AFTPH: variants seen among roughly 807,000 people sequenced by gnomAD.
The protein encoded by AFTPH is aftiphilin, also known as aftiphilin protein.
In AFTPH, 7 loss-of-function variants were observed where a neutral mutation model predicts 72.5. That is an observed-to-expected ratio of 0.10 (90% CI 0.05 to 0.18). The LOEUF (loss-of-function observed/expected upper bound fraction) is 0.18. Among genes scored for constraint, AFTPH ranks in the 10% least tolerant of loss-of-function variants. The probability of loss-of-function intolerance (pLI) is 1.00; values close to 1 mark genes in which losing one functional copy is unlikely to be tolerated. For synonymous variants in AFTPH, 337 were observed against 370.1 expected, an observed-to-expected ratio of 0.91 and a Z score of 1.03; for missense variants, 979 against 1,060.5, an observed-to-expected ratio of 0.92 and a Z score of 1.07.
At chr2:64,557,331 AT>A (rs1472935829) in intron 2 of AFTPH, among the ~76,000 whole-genome samples, 1 of 152,206 alleles carries the variant, frequency 6.6e-6, no homozygotes, top group East Asian at 1.9e-4. Flanking sequence ...AAAGGAGGCT[AT>A]GAGTTATTTT....
chr2:64,552,990 A>T, exon 2 of AFTPH: 1 of 1,614,176 alleles, frequency 6.2e-7, no homozygotes. Context: ...GACTTCTGAT[A>T]ATTTATCAGA....
chr2:64,574,958 G>C (rs1672673465), intron 6 of AFTPH, among the ~76,000 whole-genome samples: 1 of 151,498 alleles, frequency 6.6e-6, no homozygotes, highest in Non-Finnish European at 1.5e-5. Flanking sequence ...AAAGTATTTT[G>C]AGTAACTACT....
chr2:64,552,302 A>G (rs1671098172), exon 2 of AFTPH: 3 of 1,613,998 alleles, frequency 1.9e-6, no homozygotes, highest in African/African-American at 1.3e-5. Flanking sequence ...TGAATTCTGT[A>G]AAAGAAGTGG....
At chr2:64,578,175 A>T (rs913775685) in intron 6 of AFTPH, among the ~76,000 whole-genome samples, 2 of 152,196 alleles carry the variant, frequency 1.3e-5, no homozygotes, top group African/African-American at 4.8e-5. Context: ...GTCGTATTAT[A>T]ATATCATGGA....
At chr2:64,536,566 TAAAAAAAAA>T (rs142981388) in intron 1 of AFTPH, among the ~76,000 whole-genome samples, 15,062 of 107,694 alleles carry the variant, frequency 0.14, 2,405 homozygotes, top group African/African-American at 0.38. Context: ...GACTCCATCT[TAAAAAAAAA>T]AAAAAAAAAA....
In AFTPH at chr2:64,531,061, C is replaced by CAAA. The variant is rs370897333; in HGVS notation, c.-33+6467_-33+6469dup. Among the ~76,000 whole-genome samples, 523 of 71,074 alleles carry CAAA rather than the reference C, an allele frequency of 7.4e-3. 12 individuals are homozygous for CAAA. The highest frequency in any genetic ancestry group is 0.014 in the South Asian group (25 of 1,734). 46.6% of individuals were successfully genotyped at this position (71,074 alleles called of 152,430 possible). ...TGGGTGACAGAGTGAGACTTCATCT[C>CAAA]AAAAAAAAAAAAAAAAAAAACACCA... On this transcript the variant is annotated intron_variant, in intron 1 of 8. Transcript: ENST00000238856.
At chr2:64,525,135 G>A (rs971117963) in intron 1 of AFTPH, among the ~76,000 whole-genome samples, 1 of 152,206 alleles carries the variant, frequency 6.6e-6, no homozygotes, top group East Asian at 1.9e-4. Context: ...AGGCAGAGGG[G>A]ACAGCCCCAA....
exon 2 of AFTPH, chr2:64,552,793 C>T (rs1037816143): frequency 1.2e-6 from 2 of 1,614,192 alleles, no homozygotes; most frequent in Non-Finnish European, 1.7e-6. Context: ...GACTTTGGCT[C>T]TGCCAGTGGC....
chr2:64,571,444 G>C (rs993547138), intron 5 of AFTPH, among the ~76,000 whole-genome samples: 1 of 152,140 alleles, frequency 6.6e-6, no homozygotes, highest in Admixed American at 6.5e-5. Flanking sequence ...CAAATGTATC[G>C]TCTCTGCATA....
chr2:64,581,367 G>A, intron 7 of AFTPH, 94 bp downstream of exon 8: 1 of 986,414 alleles, frequency 1.0e-6, no homozygotes, highest in South Asian at 1.8e-5. Flanking sequence ...CAAGTAGATT[G>A]TATTCTCTAT....
intron 6 of AFTPH, among the ~76,000 whole-genome samples, chr2:64,576,118 C>CACACACACACACGT (rs1553404165): frequency 1.5e-5 from 2 of 137,036 alleles, no homozygotes; most frequent in South Asian, 2.3e-4. Context: ...CACACACACA[C>CACACACACACACGT]GTGTGTCATA....
intron 2 of AFTPH, among the ~76,000 whole-genome samples, chr2:64,553,676 TTGG>T (rs1671185947): frequency 6.7e-6 from 1 of 149,378 alleles, no homozygotes; most frequent in African/African-American, 2.5e-5. Context: ...CTTGGATTTT[TTGG>T]TGACTATAAA....
At chr2:64,549,934 A>G (rs921903639) in intron 1 of AFTPH, among the ~76,000 whole-genome samples, 4 of 152,234 alleles carry the variant, frequency 2.6e-5, no homozygotes, top group African/African-American at 9.6e-5. Flanking sequence ...TAATGAAGAA[A>G]GTTGCATAAA....
intron 1 of AFTPH, among the ~76,000 whole-genome samples, chr2:64,546,135 C>T (rs1165532772): frequency 6.6e-6 from 1 of 151,854 alleles, no homozygotes; most frequent in Non-Finnish European, 1.5e-5. Flanking sequence ...TCAAGTGATC[C>T]TCCCACCTCG....
rs943446351 is a variant in AFTPH, at chr2:64,552,791, C to T, written c.1317C>T (p.Gly439=). Residue 439 remains glycine, a synonymous_variant, in exon 2 of 9, where the codon GGC becomes GGT. Coordinates refer to ENST00000238856, the Ensembl canonical transcript of AFTPH. ...ATTTTGGTGATTTTGGTGACTTTGG[C>T]TCTGCCAGTGGCTCAACTCCACCTT... 6 of 1,614,174 alleles carry T rather than the reference C, an allele frequency of 3.7e-6. No individual in the cohort carries two copies. In the East Asian group the frequency reaches 8.9e-5, roughly 24 times the overall value.
chr2:64,588,480 A>G (rs1673637559), intron 8 of AFTPH, among the ~76,000 whole-genome samples: 2 of 152,166 alleles, frequency 1.3e-5, no homozygotes, highest in African/African-American at 4.8e-5. Flanking sequence ...TAGGAACTCT[A>G]ACTTCTTTGG....
At chr2:64,537,343 A>T (rs1669952160) in intron 1 of AFTPH, among the ~76,000 whole-genome samples, 1 of 152,214 alleles carries the variant, frequency 6.6e-6, no homozygotes, top group Non-Finnish European at 1.5e-5. Flanking sequence ...TACCTGGGTG[A>T]TGAAATAATT....
chr2:64,576,327 T>C (rs927137319), intron 6 of AFTPH, among the ~76,000 whole-genome samples: 2 of 152,054 alleles, frequency 1.3e-5, no homozygotes, highest in African/African-American at 2.4e-5. Flanking sequence ...CACAATTGTA[T>C]AATTCCCCTT....
chr2:64,584,842 C>T (rs140532326), intron 7 of AFTPH, among the ~76,000 whole-genome samples: 251 of 152,152 alleles, frequency 1.6e-3, no homozygotes, highest in African/African-American at 4.7e-3. Context: ...GTGATCTGCC[C>T]GCCTCGGCCT....
Sources: gnomAD v4.1 joint callset for allele counts (sites outside exome capture counted in the v4.1 genomes callset) on GRCh38, gnomAD v4.1.1 for gene constraint, MANE v1.5 for transcripts, NCBI Gene and HGNC (gene_info 2026-07-23, HGNC 2026-07-21) for gene names.